ATP13A4: variants seen among roughly 807,000 people sequenced by gnomAD.
ATP13A4 encodes ATPase 13A4, also known as probable cation-transporting ATPase 13A4.
In ATP13A4, 114 loss-of-function variants were observed where a neutral mutation model predicts 142.5. That is an observed-to-expected ratio of 0.80 (90% confidence interval 0.69 to 0.93). The LOEUF (loss-of-function observed/expected upper bound fraction) is 0.93. ATP13A4 is among the 40% of genes least tolerant of loss of function. ATP13A4 has a pLI of 0.00. For synonymous variants in ATP13A4, 488 were observed against 514.8 expected (o/e 0.95, Z 0.70); for missense variants, 1,392 against 1,454.0 (o/e 0.96, Z 0.69).
chr3:193,419,113 G>C (rs1715274280), intron 25 of ATP13A4: 2 of 150,858 alleles, frequency 1.3e-5, no homozygotes, highest in Non-Finnish European at 2.9e-5. Context: ...TGGCCTGAGG[G>C]GAAGCTGTAC....
intron 1 of ATP13A4, 124 bp from the exon 2 acceptor site, chr3:193,514,995 C>G: frequency 1.0e-6 from 1 of 996,620 alleles, no homozygotes; most frequent in Non-Finnish European, 1.5e-6. Context: ...GAGGAGAGGG[C>G]AGGGTGAGGC....
chr3:193,556,414 G>A (rs1723890695), upstream of ATP13A4, among the ~76,000 whole-genome samples: 1 of 151,842 alleles, frequency 6.6e-6, no homozygotes, highest in Admixed American at 6.6e-5. Context: ...AAATAGTGAA[G>A]TATAGGATAA....
In ATP13A4 at chr3:193,411,044, G is replaced by A; in HGVS notation, c.3235C>T (p.Gln1079Ter). The change falls in exon 28 of 30, where the codon CAG (glutamine) becomes TAG (stop). Residue 1079 changes from glutamine to a stop codon, truncating the protein, a stop_gained. Coordinates refer to ENST00000342695, the MANE Select transcript of ATP13A4 (RefSeq NM_032279.4). LOFTEE classifies it high-confidence loss of function. ...AGAATGAATAGACATACACCAAGCT[G>A]TATTATCAGCACAAGGACAAATATA... ...NYIFVLVLII[Q>*]LGVCLFILFA... is the part of the protein sequence containing the mutation. The A allele has an allele frequency of 1.2e-6, 2 of 1,610,212 alleles. No homozygotes were observed. The highest frequency in any genetic ancestry group is 8.5e-7 in the Non-Finnish European group (1 of 1,176,780).
chr3:193,406,956 T>G (rs1714528231), intron 29 of ATP13A4, among the ~76,000 whole-genome samples: 1 of 152,150 alleles, frequency 6.6e-6, no homozygotes, highest in Admixed American at 6.5e-5. Flanking sequence ...ACTCAGTGAG[T>G]GCACTAAACA....
At chr3:193,523,859 A>G (rs1721859827) in intron 1 of ATP13A4, among the ~76,000 whole-genome samples, 1 of 152,172 alleles carries the variant, frequency 6.6e-6, no homozygotes, top group Non-Finnish European at 1.5e-5. Context: ...CATTACGAAT[A>G]GATGAATGCC....
intron 1 of ATP13A4, among the ~76,000 whole-genome samples, chr3:193,516,052 A>T (rs902823539): frequency 6.6e-6 from 1 of 152,230 alleles, no homozygotes; most frequent in Non-Finnish European, 1.5e-5. Context: ...TTACTTGATC[A>T]CATGTCTCTG....
At chr3:193,432,277 G>A (rs1267223083) in intron 25 of ATP13A4, among the ~76,000 whole-genome samples, 1 of 151,882 alleles carries the variant, frequency 6.6e-6, no homozygotes, top group Non-Finnish European at 1.5e-5. Flanking sequence ...TGGTGAGTAT[G>A]TGAAGCAACA....
intron 1 of ATP13A4, among the ~76,000 whole-genome samples, chr3:193,548,237 C>T (rs988295158): frequency 2.0e-5 from 3 of 152,178 alleles, no homozygotes; most frequent in Non-Finnish European, 4.4e-5. Flanking sequence ...AGCTCTGCTG[C>T]ATCCCTGTTC....
At chr3:193,521,118 A>G (rs867132730) in intron 1 of ATP13A4, among the ~76,000 whole-genome samples, 8 of 152,294 alleles carry the variant, frequency 5.3e-5, no homozygotes, top group Middle Eastern at 6.8e-3. Flanking sequence ...TCAGTTTTCA[A>G]TTCAAATTGC....
intron 1 of ATP13A4, among the ~76,000 whole-genome samples, chr3:193,517,625 C>T (rs1032367093): frequency 3.3e-5 from 5 of 152,120 alleles, no homozygotes; most frequent in Admixed American, 1.3e-4. Flanking sequence ...GGACTACAGG[C>T]GCCCGCCACC....
At chr3:193,518,433 A>G (rs758150931) in intron 1 of ATP13A4, among the ~76,000 whole-genome samples, 6 of 152,222 alleles carry the variant, frequency 3.9e-5, no homozygotes, top group Non-Finnish European at 8.8e-5. Flanking sequence ...ATATATCTAG[A>G]TAAAAGAAAA....
At chr3:193,542,995 C>G (rs929214078) in intron 1 of ATP13A4, among the ~76,000 whole-genome samples, 4 of 152,050 alleles carry the variant, frequency 2.6e-5, no homozygotes, top group Admixed American at 2.0e-4. Context: ...GAAACCCTGT[C>G]TCTACTAAAA....
Position 193,541,248 on chromosome 3 carries a change from C to CAAAAAAAAAAAAAAAAAA in ATP13A4, c.60+13474_60+13491dup, listed in dbSNP as rs71179308. On this transcript the variant is annotated intron_variant, in intron 1 of 29. Transcript: ENST00000342695. ...TGGGCGACAGAGCGAGACTCCTTCT[C>CAAAAAAAAAAAAAAAAAA]AAAAAAAAAAAAAAAAAAAAAATCA... is the stretch of plus-strand genomic sequence containing the variant. Among the ~76,000 whole-genome samples, 45 of 51,276 alleles carry CAAAAAAAAAAAAAAAAAA rather than the reference C, an allele frequency of 8.8e-4. 1 individual carries two copies. Among genetic ancestry groups the CAAAAAAAAAAAAAAAAAA allele is most frequent in the East Asian group, 1.9e-3 (3 of 1,612 alleles). The allele number at this position is 51,276 out of a possible 152,430, so 33.6% of individuals were successfully genotyped here. A position where few individuals can be genotyped will look rare whatever the true frequency, so the allele number is the denominator to read the frequency against.
chr3:193,575,789 G>GT (rs1439911062), intron 2 of ATP13A4, among the ~76,000 whole-genome samples: 2 of 152,180 alleles, frequency 1.3e-5, no homozygotes, highest in Admixed American at 6.5e-5. Flanking sequence ...TTAGGTGGAA[G>GT]TTTTTTTAAG....
chr3:193,554,808 T>C lies in ATP13A4; in HGVS notation c.-9A>G. 6.2e-7 allele frequency: 1 copy of C among 1,614,026 alleles called. No individual in the cohort carries two copies. Among genetic ancestry groups the C allele is most frequent in the Middle Eastern group, 1.7e-4 (1 of 6,012 alleles). ...TTCTCAAAGTGTCCCATGAAAAAGT[T>C]ATTCCACACCTCCTCCCTGACCTTG... On this transcript the variant is annotated 5_prime_UTR_variant, in exon 1 of 30. In the 5' UTR this introduces an upstream ATG that the reference lacks. Transcript: ENST00000342695.
chr3:193,461,656 T>C (rs1329595798), intron 13 of ATP13A4, among the ~76,000 whole-genome samples: 1 of 152,240 alleles, frequency 6.6e-6, no homozygotes. Flanking sequence ...CATGTCATAA[T>C]GCAAAAGAAC....
intron 1 of ATP13A4, among the ~76,000 whole-genome samples, chr3:193,540,329 T>C (rs1176710895): frequency 1.3e-5 from 2 of 151,952 alleles, no homozygotes; most frequent in African/African-American, 2.4e-5. Flanking sequence ...TTCTTCCTCA[T>C]ACTTCTCCGT....
At chr3:193,523,614 C>A (rs1721842270) in intron 1 of ATP13A4, among the ~76,000 whole-genome samples, 1 of 152,230 alleles carries the variant, frequency 6.6e-6, no homozygotes, top group Non-Finnish European at 1.5e-5. Flanking sequence ...GGTACTCTCC[C>A]TCCATGGGGA....
chr3:193,549,303 A>C (rs1410009539), intron 1 of ATP13A4, among the ~76,000 whole-genome samples: 1 of 145,494 alleles, frequency 6.9e-6, no homozygotes, highest in Non-Finnish European at 1.5e-5. Context: ...TCATCACAGC[A>C]AAAAAAAAAA....
Sources: allele counts gnomAD v4.1 joint callset (sites outside exome capture counted in the v4.1 genomes callset), GRCh38; gene constraint gnomAD v4.1.1; transcripts MANE v1.5; gene names NCBI Gene and HGNC (gene_info 2026-07-23, HGNC 2026-07-21).